GALK2: variants seen among roughly 807,000 people sequenced by gnomAD.
The protein encoded by GALK2 is N-acetylgalactosamine kinase.
GALK2 carries 36 observed loss-of-function variants against 52.4 expected under a neutral mutation model. The ratio of observed to expected loss-of-function variants is 0.69; its 90% confidence interval spans 0.53 to 0.91. The LOEUF (loss-of-function observed/expected upper bound fraction) is 0.91. Ranked by LOEUF, GALK2 falls within the 40% of genes least tolerant of loss-of-function variation. The pLI is 0.00. For synonymous variants in GALK2, 176 were observed against 199.1 expected (o/e 0.88, Z 0.98); for missense variants, 579 against 559.1 (o/e 1.04, Z -0.36).
chr15:49,170,246 C>T, upstream of GALK2: 1 of 1,542,708 alleles, frequency 6.5e-7, no homozygotes, highest in South Asian at 1.2e-5. Flanking sequence ...CGGCTCCTGT[C>T]ACAGAAGTCT....
chr15:49,328,651 C>A lies in GALK2; in HGVS notation c.*492C>A, dbSNP rs746272410. 1.3e-6 allele frequency: 2 copies of A among 1,571,608 alleles called. No individual in the cohort carries two copies. The highest frequency in any genetic ancestry group is 1.7e-6 in the Non-Finnish European group (2 of 1,155,214). On this transcript the variant is annotated 3_prime_UTR_variant, in exon 10 of 10. Coordinates refer to ENST00000560031, the MANE Select transcript of GALK2 (RefSeq NM_002044.4). The stretch of plus-strand genomic sequence containing the variant: ...GATGACGATAGTGATGCCACACATT[C>A]TCTCTCAATTTCAGCTTCGGAACGC...
upstream of GALK2, among the ~76,000 whole-genome samples, chr15:49,167,584 C>T (rs980932963): frequency 2.6e-5 from 4 of 152,168 alleles, no homozygotes; most frequent in Admixed American, 6.5e-5. Flanking sequence ...TTCTCGAACT[C>T]CTGACCTCAG....
At chr15:49,292,294 A>G (rs1167273731) in intron 7 of GALK2, 33 bp from the exon 8 acceptor site, 2 of 1,587,660 alleles carry the variant, frequency 1.3e-6, no homozygotes, top group Admixed American at 3.4e-5. Context: ...ATTCTGAATC[A>G]AAACTGACCA....
chr15:49,161,426 A>G (rs2084647505), intron 1 of GALK2, among the ~76,000 whole-genome samples: 1 of 152,218 alleles, frequency 6.6e-6, no homozygotes, highest in Non-Finnish European at 1.5e-5. Context: ...TTCTGTCCTT[A>G]AAAATCCATG....
intron 8 of GALK2, among the ~76,000 whole-genome samples, chr15:49,316,337 A>AG (rs1348103629): frequency 1.3e-5 from 2 of 151,628 alleles, no homozygotes; most frequent in East Asian, 3.9e-4. Context: ...GTGGAGGGGA[A>AG]AAATGAAACC....
At position 49,299,799 on chromosome 15, in the gene GALK2, CTGTAGTCTGAGAGCGTGA is replaced by C. The variant is rs751874415; in HGVS notation, c.967+7264_967+7281del. Among the ~76,000 whole-genome samples the C allele has an allele frequency of 3.5e-4, 41 of 116,940 alleles. 2 individuals are homozygous for C. The highest frequency in any genetic ancestry group is 9.9e-4 in the African/African-American group (29 of 29,350). The allele number at this position is 116,940 out of a possible 152,430, so 76.7% of individuals were successfully genotyped here. ...TCTTTCTTTCTTTCTTTCTTTCGTG[CTGTAGTCTGAGAGCGTGA>C]TTGGTATGATTTTTTTTTTAATTTG... On this transcript the variant is annotated intron_variant, in intron 8 of 9. Coordinates refer to ENST00000560031, the MANE Select transcript of GALK2 (RefSeq NM_002044.4).
chr15:49,173,590 A>G (rs1274091028), intron 1 of GALK2, among the ~76,000 whole-genome samples: 1 of 152,008 alleles, frequency 6.6e-6, no homozygotes, highest in African/African-American at 2.4e-5. Flanking sequence ...TTGTAATATT[A>G]TTGTGTCCTT....
At position 49,319,189 on chromosome 15, in the gene GALK2, G is replaced by A. The variant is rs147554815; in HGVS notation, c.968-415G>A. 1,090 of 351,630 alleles carry A rather than the reference G, an allele frequency of 3.1e-3. 16 individuals carry two copies. The highest frequency in any genetic ancestry group is 0.022 in the African/African-American group (1,016 of 46,432). The allele number at this position is 351,630 out of a possible 1,614,324, so 21.8% of individuals were successfully genotyped here. ...GGCTGGTCTTGAACTCCTGACCTCA[G>A]ATGATCCACCTGCCTCGGCCTCCCA... On this transcript the variant is annotated intron_variant, in intron 8 of 9. Coordinates refer to ENST00000560031, the MANE Select transcript of GALK2 (RefSeq NM_002044.4).
At chr15:49,182,920 T>C (rs1478185324) in intron 1 of GALK2, among the ~76,000 whole-genome samples, 1 of 152,196 alleles carries the variant, frequency 6.6e-6, no homozygotes, top group Non-Finnish European at 1.5e-5. Flanking sequence ...ATATTTTTTC[T>C]CATTCTGTAG....
rs148822471 is a variant in GALK2 at position 49,255,946 on chromosome 15, G to C, written c.504+16579G>C. On this transcript the variant is annotated intron_variant, in intron 5 of 9. Transcript: ENST00000560031. Reference sequence around the variant, plus strand: ...TTCATGTTCTTCATTGTTTTGTTTAGGAAACAAAATGTACTAAGCTTGGAA... The same window carrying C: ...TTCATGTTCTTCATTGTTTTGTTTACGAAACAAAATGTACTAAGCTTGGAA... Among the ~76,000 whole-genome samples the C allele has an allele frequency of 6.4e-3, 967 of 152,008 alleles. 15 individuals are homozygous for C. The highest frequency in any genetic ancestry group is 0.022 in the African/African-American group (912 of 41,484).
chr15:49,291,234 C>G (rs548828218), intron 7 of GALK2, among the ~76,000 whole-genome samples: 1 of 151,268 alleles, frequency 6.6e-6, no homozygotes, highest in South Asian at 2.1e-4. Context: ...AATCATAGTT[C>G]TATTGTTTTG....
At chr15:49,278,010 C>T (rs2032115025) in intron 5 of GALK2, among the ~76,000 whole-genome samples, 1 of 151,984 alleles carries the variant, frequency 6.6e-6, no homozygotes, top group Non-Finnish European at 1.5e-5. Flanking sequence ...CGCCTGTAAT[C>T]CCAGCACTTT....
chr15:49,362,178 C>T (rs149546610), intron 3 of GALK2, among the ~76,000 whole-genome samples: 2 of 152,046 alleles, frequency 1.3e-5, no homozygotes, highest in Non-Finnish European at 2.9e-5. Flanking sequence ...GAATTGTAAT[C>T]CCCATGTGTT....
intron 5 of GALK2, among the ~76,000 whole-genome samples, chr15:49,271,098 CATT>C (rs899249045): frequency 6.6e-6 from 1 of 152,126 alleles, no homozygotes; most frequent in African/African-American, 2.4e-5. Flanking sequence ...CCATTATTAT[CATT>C]ATTTAGCATT....
At chr15:49,208,149 A>C (rs748892064) in intron 2 of GALK2, among the ~76,000 whole-genome samples, 1 of 151,864 alleles carries the variant, frequency 6.6e-6, no homozygotes, top group Non-Finnish European at 1.5e-5. Context: ...TTTCAATTTC[A>C]CTTAGTTCTG....
At chr15:49,237,456 GTTTTTGTT>G (rs1407226712) in intron 4 of GALK2, among the ~76,000 whole-genome samples, 5 of 151,574 alleles carry the variant, frequency 3.3e-5, no homozygotes, top group Non-Finnish European at 5.9e-5. Flanking sequence ...GTTGTTTTTT[GTTTTTGTT>G]TTTTTGTTTT....
intron 3 of GALK2, among the ~76,000 whole-genome samples, chr15:49,350,438 T>C (rs751474908): frequency 2.0e-5 from 3 of 152,196 alleles, no homozygotes; most frequent in Non-Finnish European, 2.9e-5. Context: ...TTTTGGGTAA[T>C]GTAAAAGTAT....
intron 5 of GALK2, among the ~76,000 whole-genome samples, chr15:49,281,174 A>G (rs1386305781): frequency 1.3e-5 from 2 of 152,214 alleles, no homozygotes; most frequent in African/African-American, 4.8e-5. Context: ...GGATTTATCT[A>G]TAGTAGCTAG....
intron 5 of GALK2, among the ~76,000 whole-genome samples, chr15:49,262,082 TA>T (rs1445553818): frequency 3.3e-5 from 5 of 152,218 alleles, no homozygotes; most frequent in African/African-American, 9.7e-5. Flanking sequence ...GCTGGCCTCA[TA>T]AAATGAGTTA....
Sources: gnomAD v4.1 joint callset for allele counts (sites outside exome capture counted in the v4.1 genomes callset) on GRCh38, gnomAD v4.1.1 for gene constraint, MANE v1.5 for transcripts, NCBI Gene and HGNC (gene_info 2026-07-23, HGNC 2026-07-21) for gene names.